The following SVEP1 variants were observed in gnomAD, a reference collection of about 807,000 sequenced individuals.
The protein encoded by SVEP1 is sushi, von Willebrand factor type A, EGF and pentraxin domain-containing protein 1.
Under a neutral mutation model 367.3 loss-of-function variants are expected in SVEP1, and 164 were observed. The ratio of observed to expected loss-of-function variants is 0.45; its 90% CI spans 0.39 to 0.51. SVEP1 has a LOEUF of 0.51. Among genes scored for constraint, SVEP1 ranks in the 20% least tolerant of loss-of-function variants. SVEP1 has a pLI of 0.00. For synonymous variants in SVEP1, 1,666 were observed against 1,611.6 expected (o/e 1.03, Z -0.81); for missense variants, 4,117 against 4,425.3 (o/e 0.93, Z 1.98).
intron 37 of SVEP1, among the ~76,000 whole-genome samples, chr9:110,409,233 C>T (rs1324913678): frequency 2.0e-5 from 3 of 152,112 alleles, no homozygotes; most frequent in Admixed American, 6.5e-5. Flanking sequence ...GTTAGGAGTT[C>T]GAGACCAGCC....
chr9:110,471,213 A>G lies in SVEP1; in HGVS notation c.2998+151T>C, dbSNP rs554413278. On this transcript the variant is annotated intron_variant, in intron 16 of 47. Coordinates refer to ENST00000374469, the MANE Select transcript of SVEP1 (RefSeq NM_153366.4). ...GTCCCTACCAACAGTAGTTCCTTAG[A>G]CTCTTGAGACAAAATAGTAATAATA... 2.5e-4 allele frequency: 164 copies of G among 647,112 alleles called. 3 individuals carry two copies. In the South Asian group the frequency reaches 4.0e-3, roughly 16 times the overall value. The allele number at this position is 647,112 out of a possible 1,614,324, so 40.1% of individuals were successfully genotyped here. A position where few individuals can be genotyped will look rare whatever the true frequency, so the allele number is the denominator to read the frequency against.
At chr9:110,387,081 C>G (rs963160525) in intron 42 of SVEP1, among the ~76,000 whole-genome samples, 4 of 152,142 alleles carry the variant, frequency 2.6e-5, no homozygotes, top group Non-Finnish European at 5.9e-5. Context: ...CTCATGGAAT[C>G]TGACAAAAGC....
intron 6 of SVEP1, among the ~76,000 whole-genome samples, chr9:110,500,261 GATCAACAGGAAA>G (rs1829512563): frequency 6.6e-6 from 1 of 152,084 alleles, no homozygotes; most frequent in South Asian, 2.1e-4. Flanking sequence ...AGTCTACTTT[GATCAACAGGAAA>G]ATCAAAGCCA....
intron 43 of SVEP1, among the ~76,000 whole-genome samples, chr9:110,385,340 C>G (rs1250493083): frequency 1.3e-5 from 2 of 152,304 alleles, no homozygotes; most frequent in East Asian, 1.9e-4. Flanking sequence ...TGCGTTATCA[C>G]AAGGCTGAAA....
At chr9:110,393,781 A>G (rs931452206) in intron 40 of SVEP1, among the ~76,000 whole-genome samples, 3 of 152,204 alleles carry the variant, frequency 2.0e-5, no homozygotes, top group African/African-American at 4.8e-5. Flanking sequence ...GTCTGACATC[A>G]AACTGCAAGG....
intron 43 of SVEP1, among the ~76,000 whole-genome samples, chr9:110,385,317 C>T (rs12346953): frequency 0.064 from 9,761 of 152,164 alleles, 526 homozygotes; most frequent in African/African-American, 0.15. Context: ...AAAAAGTGTG[C>T]GTTAAAAAAC....
chr9:110,403,408 A>T (rs2118997697), intron 39 of SVEP1, among the ~76,000 whole-genome samples: 1 of 145,654 alleles, frequency 6.9e-6, no homozygotes, highest in South Asian at 2.2e-4. Flanking sequence ...GGGTTCAAGC[A>T]ATTCTCCTGT....
intron 3 of SVEP1, among the ~76,000 whole-genome samples, chr9:110,522,307 GA>G (rs1483588814): frequency 1.3e-5 from 2 of 151,954 alleles, no homozygotes; most frequent in Non-Finnish European, 2.9e-5. Context: ...CCATGGTGGG[GA>G]TAACATTAAA....
Position 110,447,116 on chromosome 9 carries a change from G to C in SVEP1, c.4104-59C>G, listed in dbSNP as rs1828613682. The C allele has an allele frequency of 2.3e-6, 3 of 1,311,806 alleles. No homozygotes were observed. In the East Asian group the frequency reaches 9.0e-5, roughly 39 times the overall value. 81.3% of individuals were successfully genotyped at this position (1,311,806 alleles called of 1,614,324 possible). On this transcript the variant is annotated intron_variant, in intron 24 of 47. Coordinates refer to ENST00000374469, the MANE Select transcript of SVEP1 (RefSeq NM_153366.4). ...CAGTTGTAGGAAGTCTCCCATTTAT[G>C]ATAATCTTATCTCGAAAGACTTTGA... is the stretch of plus-strand genomic sequence containing the variant.
Position 110,441,749 on chromosome 9 carries a change from G to C in SVEP1, c.4639+1796C>G, listed in dbSNP as rs1828512738. Among the ~76,000 whole-genome samples, 3 of 152,188 alleles carry C rather than the reference G, an allele frequency of 2.0e-5. No individual in the cohort carries two copies. The South Asian group carries it at 6.2e-4, about 32-fold the overall frequency. On this transcript the variant is annotated intron_variant, in intron 27 of 47. Coordinates refer to ENST00000374469, the MANE Select transcript of SVEP1 (RefSeq NM_153366.4). ...CTCTCAGTGCTGTCCCTGCACTGGG[G>C]AGTCCTTTTGTCCTCTGGTTGGAAA...
chr9:110,388,884 C>A (rs1383336305), intron 41 of SVEP1, among the ~76,000 whole-genome samples: 2 of 152,082 alleles, frequency 1.3e-5, no homozygotes, highest in Admixed American at 1.3e-4. Context: ...CATGAGAGTC[C>A]CTTGAGCCCG....
At chr9:110,515,565 G>A (rs1057317242) in intron 3 of SVEP1, among the ~76,000 whole-genome samples, 10 of 152,114 alleles carry the variant, frequency 6.6e-5, no homozygotes, top group Admixed American at 1.3e-4. Context: ...CTCCCAAAGT[G>A]CTGGGATTAC....
At chr9:110,455,376 A>G (rs1157837986) in intron 22 of SVEP1, among the ~76,000 whole-genome samples, 1 of 152,260 alleles carries the variant, frequency 6.6e-6, no homozygotes, top group Non-Finnish European at 1.5e-5. Context: ...AAGCAATTAC[A>G]TACTGCCATA....
intron 40 of SVEP1, among the ~76,000 whole-genome samples, chr9:110,396,773 T>C (rs991761840): frequency 7.9e-5 from 12 of 151,564 alleles, no homozygotes; most frequent in East Asian, 2.0e-4. Flanking sequence ...GACACATACA[T>C]CCTCCCAAGA....
chr9:110,493,705 C>G (rs1017648592), intron 8 of SVEP1, among the ~76,000 whole-genome samples: 2 of 152,128 alleles, frequency 1.3e-5, no homozygotes, highest in African/African-American at 4.8e-5. Context: ...GCACTCCAGC[C>G]TGGGGACAGA....
intron 40 of SVEP1, 86 bp downstream of exon 40, chr9:110,400,768 T>C: frequency 7.2e-7 from 1 of 1,396,368 alleles, no homozygotes; most frequent in East Asian, 2.5e-5. Context: ...CCAAAGTCAG[T>C]AAAACAAATT....
intron 16 of SVEP1, 101 bp from the exon 17 acceptor site, chr9:110,469,202 G>A (rs1263113688): frequency 1.6e-6 from 2 of 1,265,000 alleles, no homozygotes; most frequent in Admixed American, 2.4e-5. Context: ...ATGCTTGAAG[G>A]TGCTATTGTT....
rs373291388 is a variant in SVEP1 at position 110,434,666 on chromosome 9, T to A, written c.4889-160A>T. 6.6e-3 allele frequency among the ~76,000 whole-genome samples: 267 copies of A among 40,504 alleles called. No homozygotes were observed. Among genetic ancestry groups the A allele is most frequent in the South Asian group, 0.018 (11 of 622 alleles). The allele number at this position is 40,504 out of a possible 152,430, so 26.6% of individuals were successfully genotyped here. A position where few individuals can be genotyped will look rare whatever the true frequency, so the allele number is the denominator to read the frequency against. ...CCAGATCACTGGCAAGCAAAATCAC[T>A]AAAAAAAAAAAAAAAAAAAAGCATT... On this transcript the variant is annotated intron_variant, in intron 29 of 47. Transcript: ENST00000374469.
At chr9:110,387,926 A>G (rs1827551677) in intron 41 of SVEP1, among the ~76,000 whole-genome samples, 1 of 152,216 alleles carries the variant, frequency 6.6e-6, no homozygotes, top group Admixed American at 6.5e-5. Context: ...TTGCATATTT[A>G]TAAGTTTACA....
Sources: allele counts gnomAD v4.1 joint callset (sites outside exome capture counted in the v4.1 genomes callset), GRCh38; gene constraint gnomAD v4.1.1; transcripts MANE v1.5; gene names NCBI Gene and HGNC (gene_info 2026-07-23, HGNC 2026-07-21).